The following PCDHGC5 variants were observed in gnomAD, a reference collection of about 807,000 sequenced individuals.
PCDHGC5 encodes the protein protocadherin gamma-C5.
A neutral mutation model predicts 59.0 loss-of-function variants in PCDHGC5; 25 were observed. The ratio of observed to expected loss-of-function variants is 0.42; its 90% CI spans 0.31 to 0.59. The LOEUF (loss-of-function observed/expected upper bound fraction) is 0.59, where lower values mean the gene tolerates loss of function less well. PCDHGC5 is among the 20% of genes least tolerant of loss of function. The probability of loss-of-function intolerance (pLI) is 0.13; values close to 1 mark genes in which losing one functional copy is unlikely to be tolerated. For synonymous variants in PCDHGC5, 434 were observed against 505.5 expected (o/e 0.86, Z 1.90); for missense variants, 1,067 against 1,206.4 (o/e 0.88, Z 1.71).
In PCDHGC5 at chr5:141,489,801, T is replaced by C. The variant is rs201458939; in HGVS notation, c.561T>C (p.Asp187=). 6.2e-7 allele frequency: 1 copy of C among 1,614,148 alleles called. No homozygotes were observed. Residue 187 remains aspartate (D), a synonymous_variant, in exon 1 of 4, where the codon GAT becomes GAC. Coordinates refer to ENST00000252087, the MANE Select transcript of PCDHGC5 (RefSeq NM_018929.3). The surrounding 1 kb of genome is among the most constrained non-coding windows in gnomAD (Gnocchi z 4.5). The stretch of plus-strand genomic sequence containing the variant: ...CTCTGAATGTGAAGACCCTAAAAGA[T>C]GGGAAGCCATTCCCAGAGCTGGTGC... ...HFSLNVKTLK[D]GKPFPELVLE...
At chr5:141,502,118 G>A (rs897244225) in intron 2 of PCDHGC5, among the ~76,000 whole-genome samples, 3 of 152,108 alleles carry the variant, frequency 2.0e-5, no homozygotes, top group African/African-American at 7.2e-5. Context: ...CCTCAGCCAG[G>A]CCCACAGAGC....
Position 141,490,162 on chromosome 5 carries a change from A to C in PCDHGC5, c.922A>C (p.Ile308Leu). The part of the protein sequence containing the change: ...SSGAIHVLGP[I>L]DFEESRFYEI... ...TGGGGCAATCCATGTGTTGGGTCCC[A>C]TAGACTTTGAGGAGTCACGTTTCTA... The change falls in exon 1 of 4, where the codon ATA becomes CTA. Residue 308 changes from isoleucine (I) to leucine (L), a missense_variant. Coordinates refer to ENST00000252087, the MANE Select transcript of PCDHGC5 (RefSeq NM_018929.3). The surrounding 1 kb of genome is among the most constrained non-coding windows in gnomAD (Gnocchi z 5.4). The C allele has an allele frequency of 6.2e-7, 1 of 1,614,218 alleles. No individual in the cohort carries two copies. The highest frequency in any genetic ancestry group is 8.5e-7 in the Non-Finnish European group (1 of 1,180,028).
At position 141,510,993 on chromosome 5, in the gene PCDHGC5, G is replaced by A. The variant is rs1457918073; in HGVS notation, c.2655G>A (p.Met885Ile). The A allele has an allele frequency of 4.3e-6, 7 of 1,614,046 alleles. No homozygotes were observed. Among genetic ancestry groups the A allele is most frequent in the African/African-American group, 1.3e-5 (1 of 74,906 alleles). ...CCCTGGGAGGGGGTGCCGGCACCAT[G>A]GGATTGAGCGCCCGCTACGGACCCC... ...SSTLGGGAGT[M>I]GLSARYGPQF... The change falls in exon 4 of 4, where the codon ATG (methionine) becomes ATA (isoleucine). Residue 885 changes from methionine to isoleucine, a missense_variant. Transcript: ENST00000252087.
At chr5:141,507,009 C>T (rs988626142) in intron 3 of PCDHGC5, 1 of 152,154 alleles carries the variant, frequency 6.6e-6, no homozygotes, top group South Asian at 2.1e-4. Context: ...ATGAGAGAAC[C>T]GAGAAGGCAC....
chr5:141,499,563 A>C (rs979866448), intron 2 of PCDHGC5, among the ~76,000 whole-genome samples: 3 of 152,242 alleles, frequency 2.0e-5, no homozygotes, highest in Non-Finnish European at 2.9e-5. Context: ...ACCACTATCC[A>C]GCTTCAACTA....
chr5:141,489,864 T>G lies in PCDHGC5; in HGVS notation c.624T>G (p.His208Gln), dbSNP rs1274301673. The part of the protein sequence containing the change: ...QQLDREAQAR[H>Q]QLVLTAVDGG... ...TGGATCGTGAAGCCCAGGCAAGACA[T>G]CAGCTGGTGCTTACTGCTGTGGATG... The change falls in exon 1 of 4, where the codon CAT (histidine) becomes CAG (glutamine). Residue 208 changes from histidine to glutamine, a missense_variant. By Grantham distance (24) the His-to-Gln change is conservative (BLOSUM62 0). Coordinates refer to ENST00000252087, the MANE Select transcript of PCDHGC5 (RefSeq NM_018929.3). This position sits in a 1 kb window ranked among gnomAD's most constrained non-coding sequence, Gnocchi z 4.5. 5 of 1,614,064 alleles carry G rather than the reference T, an allele frequency of 3.1e-6. No individual in the cohort carries two copies. The highest frequency in any genetic ancestry group is 3.4e-6 in the Non-Finnish European group (4 of 1,180,022).
Position 141,512,288 on chromosome 5 carries a change from TCAGCGGAGCCCCAGCAGGAAGGGTGGGC to T in PCDHGC5, c.*1120_*1147del, listed in dbSNP as rs1375137843. The T allele has an allele frequency of 6.5e-6, 1 of 152,680 alleles. No individual in the cohort carries two copies. Among genetic ancestry groups the T allele is most frequent in the Non-Finnish European group, 1.5e-5 (1 of 68,182 alleles). The allele number at this position is 152,680 out of a possible 1,614,324, so 9.5% of individuals were successfully genotyped here. ...TCCAGAGGTGCCACTGGTGGAAGGG[TCAGCGGAGCCCCAGCAGGAAGGGTGGGC>T]CAGCCAGGCCATTCTTAGTCCCTGG... On this transcript the variant is annotated 3_prime_UTR_variant, in exon 4 of 4. Coordinates refer to ENST00000252087, the MANE Select transcript of PCDHGC5 (RefSeq NM_018929.3).
At position 141,497,209 on chromosome 5, in the gene PCDHGC5, T is replaced by TG. The variant is rs11343387; in HGVS notation, c.2519+2353dup. On this transcript the variant is annotated intron_variant, in intron 2 of 3. Coordinates refer to ENST00000252087, the MANE Select transcript of PCDHGC5 (RefSeq NM_018929.3). ...GAGGCAGAGAACAATGTGAGTGTAA[T>TG]GGGGGGGGGAAGATCAGAGAAGGCT... Among the ~76,000 whole-genome samples the TG allele has an allele frequency of 1.3e-3, 196 of 151,342 alleles. 1 individual carries two copies. The South Asian group carries it at 0.02, about 15-fold the overall frequency.
rs146235929 is a variant in PCDHGC5 at position 141,511,610 on chromosome 5, C to A, written c.*437C>A. On this transcript the variant is annotated 3_prime_UTR_variant, in exon 4 of 4. Transcript: ENST00000252087. ...GAAGTACCAAGTAACCTACAAGCCT[C>A]CTAGTTCTGAAAAGTTGGAAGGGCA... 1.0e-3 allele frequency: 247 copies of A among 237,682 alleles called. 1 individual carries two copies. The highest frequency in any genetic ancestry group is 5.2e-3 in the African/African-American group (235 of 45,400). The allele number at this position is 237,682 out of a possible 1,614,324, so 14.7% of individuals were successfully genotyped here. A position where few individuals can be genotyped will look rare whatever the true frequency, so the allele number is the denominator to read the frequency against.
Position 141,490,070 on chromosome 5 carries a change from T to C in PCDHGC5, c.830T>C (p.Leu277Pro), listed in dbSNP as rs2099695766. ...CCAGACGAGGGCACCAACGGCCAAC[T>C]AGACTATTCTTTTGGAGACCACACA... ...TDPDEGTNGQ[L>P]DYSFGDHTSE... is the part of the protein sequence containing the mutation. The change falls in exon 1 of 4, where the codon CTA becomes CCA. Residue 277 changes from leucine (L) to proline (P), a missense_variant. Transcript: ENST00000252087. The surrounding 1 kb of genome is among the most constrained non-coding windows in gnomAD (Gnocchi z 5.4). The C allele has an allele frequency of 6.2e-7, 1 of 1,614,198 alleles. No individual in the cohort carries two copies.
intron 2 of PCDHGC5, among the ~76,000 whole-genome samples, chr5:141,498,945 G>C (rs1421135706): frequency 8.0e-6 from 1 of 125,434 alleles, no homozygotes; most frequent in Non-Finnish European, 1.6e-5. Context: ...AAGAAAGAAA[G>C]AAAAAGAGAG....
At chr5:141,496,886 C>T (rs1562175671) in intron 2 of PCDHGC5, among the ~76,000 whole-genome samples, 1 of 135,246 alleles carries the variant, frequency 7.4e-6, no homozygotes, top group African/African-American at 2.9e-5. Context: ...ACAAGTAACA[C>T]TTAAAAAAAA....
chr5:141,489,546 C>T lies in PCDHGC5; in HGVS notation c.306C>T (p.Cys102=), dbSNP rs1404605129. ...RESLCGASTS[C]LLPVQVVTEH... ...GCCTATGTGGAGCCAGCACCAGCTGCCTGCTGCCAGTGCAGGTGGTGACTG... is the reference window on the plus strand; with the variant it reads ...GCCTATGTGGAGCCAGCACCAGCTGTCTGCTGCCAGTGCAGGTGGTGACTG... Residue 102 remains cysteine (C), a synonymous_variant, in exon 1 of 4, where the codon TGC becomes TGT. Coordinates refer to ENST00000252087, the MANE Select transcript of PCDHGC5 (RefSeq NM_018929.3). The surrounding 1 kb of genome is among the most constrained non-coding windows in gnomAD (Gnocchi z 4.5). 2 of 1,614,076 alleles carry T rather than the reference C, an allele frequency of 1.2e-6. No homozygotes were observed. The highest frequency in any genetic ancestry group is 2.2e-5 in the East Asian group (1 of 44,868).
intron 3 of PCDHGC5, 61 bp downstream of exon 3, chr5:141,505,542 A>G (rs2099846540): frequency 6.2e-7 from 1 of 1,604,832 alleles, no homozygotes; most frequent in African/African-American, 1.3e-5. Context: ...GGTGCATCTC[A>G]CAGCCACCAT....
intron 2 of PCDHGC5, among the ~76,000 whole-genome samples, chr5:141,498,839 A>C (rs2099786236): frequency 6.6e-6 from 1 of 152,062 alleles, no homozygotes; most frequent in Non-Finnish European, 1.5e-5. Context: ...AGGCTGAGGC[A>C]GGGGAATCGC....
chr5:141,510,428 G>A (rs1254357998), intron 3 of PCDHGC5, among the ~76,000 whole-genome samples: 2 of 152,092 alleles, frequency 1.3e-5, no homozygotes, highest in African/African-American at 4.8e-5. Flanking sequence ...TGGTTTCATG[G>A]CTGCTGCCCT....
chr5:141,509,115 G>C (rs1480955058), intron 3 of PCDHGC5, among the ~76,000 whole-genome samples: 1 of 152,186 alleles, frequency 6.6e-6, no homozygotes, highest in Non-Finnish European at 1.5e-5. Flanking sequence ...GAGCGCTGGT[G>C]CGTGAAGAGA....
In PCDHGC5 at chr5:141,490,363, C is replaced by G; in HGVS notation, c.1123C>G (p.Arg375Gly). 3 of 1,614,154 alleles carry G rather than the reference C, an allele frequency of 1.9e-6. No homozygotes were observed. Among genetic ancestry groups the G allele is most frequent in the Non-Finnish European group, 2.5e-6 (3 of 1,180,032 alleles). Residue 375 changes from arginine (R) to glycine (G), a missense_variant, in exon 1 of 4, where the codon CGA becomes GGA. Transcript: ENST00000252087. This position sits in a 1 kb window ranked among gnomAD's most constrained non-coding sequence, Gnocchi z 5.4. ...VGTVVGLFNV[R>G]DRDSGRNGEV... ...CACAGTAGTGGGGTTGTTTAATGTGCGAGACCGGGACTCAGGTAGAAATGG... is the reference window on the plus strand; with the variant it reads ...CACAGTAGTGGGGTTGTTTAATGTGGGAGACCGGGACTCAGGTAGAAATGG...
chr5:141,510,400 TA>T (rs780031896), intron 3 of PCDHGC5, among the ~76,000 whole-genome samples: 12 of 151,920 alleles, frequency 7.9e-5, no homozygotes, highest in Non-Finnish European at 1.3e-4. Flanking sequence ...TGGCAAAGGC[TA>T]GGGGCATGTA....
Sources: gnomAD v4.1 joint callset for allele counts (sites outside exome capture counted in the v4.1 genomes callset) on GRCh38, gnomAD v4.1.1 for gene constraint, Gnocchi (gnomAD v3.1) non-coding constraint, MANE v1.5 for transcripts, NCBI Gene and HGNC (gene_info 2026-07-23, HGNC 2026-07-21) for gene names.